Variants in PLA2G1B observed in about 807,000 individuals in gnomAD.
PLA2G1B encodes phospholipase A2 group IB.
In PLA2G1B, 12 loss-of-function variants were observed where a neutral mutation model predicts 12.5. The observed-to-expected ratio is 0.96, with a 90% CI of 0.62 to 1.56. The LOEUF (loss-of-function observed/expected upper bound fraction) is 1.56. PLA2G1B is among the 40% of genes most tolerant of loss of function. The pLI is 0.00. For missense variants in PLA2G1B, 189 were observed against 186.7 expected (o/e 1.01, Z -0.07); for synonymous variants, 81 against 73.4 (o/e 1.10, Z -0.53).
At chr12:120,324,455 C>G (rs1873296643) in intron 3 of PLA2G1B, among the ~76,000 whole-genome samples, 2 of 151,986 alleles carry the variant, frequency 1.3e-5, no homozygotes, top group Non-Finnish European at 2.9e-5. Flanking sequence ...TGCTTGAAGC[C>G]AGGAGTTTAA....
chr12:120,325,874 C>T lies in PLA2G1B; in HGVS notation c.181G>A (p.Asp61Asn), dbSNP rs1273242133. 1.2e-6 allele frequency: 2 copies of T among 1,614,014 alleles called. No individual in the cohort carries two copies. Among genetic ancestry groups the T allele is most frequent in the Admixed American group, 1.7e-5 (1 of 60,010 alleles). Residue 61 changes from aspartate to asparagine, a missense_variant, in exon 2 of 4, where the codon GAT (aspartate) becomes AAT (asparagine). Transcript: ENST00000308366. ...CGLGGSGTPV[D>N]ELDKCCQTHD... Reference sequence around the variant, plus strand: ...CGGATCACTTACTTGTCCAGTTCATCCACGGGGGTGCCTGAGCCCCCCAAG... The same window carrying T: ...CGGATCACTTACTTGTCCAGTTCATTCACGGGGGTGCCTGAGCCCCCCAAG...
In PLA2G1B at chr12:120,324,987, G is replaced by T. The variant is rs765150969; in HGVS notation, c.269C>A (p.Pro90Gln). 1 of 1,613,972 alleles carries T rather than the reference G, an allele frequency of 6.2e-7. No homozygotes were observed. Among genetic ancestry groups the T allele is most frequent in the Admixed American group, 1.7e-5 (1 of 59,992 alleles). The change falls in exon 3 of 4, where the codon CCG (proline) becomes CAG (glutamine). Residue 90 changes from proline (P) to glutamine (Q), a missense_variant. Pro to Gln is a moderately conservative substitution (Grantham distance 76). Coordinates refer to ENST00000308366, the MANE Select transcript of PLA2G1B (RefSeq NM_000928.3). ...CGAGTATGAATAGGTGTGGGTGTAC[G>T]GGTTGTCCAGCAGAAATTTACAGCT... Reference protein sequence around the residue: ...LDSCKFLLDNPYTHTYSYSCS... With the variant: ...LDSCKFLLDNQYTHTYSYSCS...
At chr12:120,322,907 T>A (rs868664675) in intron 3 of PLA2G1B, among the ~76,000 whole-genome samples, 8 of 152,132 alleles carry the variant, frequency 5.3e-5, no homozygotes, top group Admixed American at 3.3e-4. Context: ...CTTTAAAGCA[T>A]GTATTTTAAA....
Position 120,325,141 on chromosome 12 carries a change from A to G in PLA2G1B, c.195-80T>C, listed in dbSNP as rs532232499. On this transcript the variant is annotated intron_variant, in intron 2 of 3. Coordinates refer to ENST00000308366, the MANE Select transcript of PLA2G1B (RefSeq NM_000928.3). ...CCCTCACCTGCCCACTCTCAGGAAC[A>G]GGTGGGGATGACTTCGCCAAGATGC... The G allele has an allele frequency of 4.7e-5, 69 of 1,477,502 alleles. No individual in the cohort carries two copies. In the African/African-American group the frequency reaches 8.9e-4, roughly 19 times the overall value. 91.5% of individuals were successfully genotyped at this position (1,477,502 alleles called of 1,614,324 possible).
chr12:120,325,864 T>A lies in PLA2G1B; in HGVS notation c.191A>T (p.Asp64Val). The stretch of plus-strand genomic sequence containing the variant: ...TTCCTGCAGGCGGATCACTTACTTG[T>A]CCAGTTCATCCACGGGGGTGCCTGA... ...GGSGTPVDEL[D>V]KCCQTHDNCY... Residue 64 changes from aspartate to valine, a missense_variant, in exon 2 of 4, where the codon GAC (aspartate) becomes GTC (valine). Coordinates refer to ENST00000308366, the MANE Select transcript of PLA2G1B (RefSeq NM_000928.3). The A allele has an allele frequency of 6.2e-7, 1 of 1,613,936 alleles. No homozygotes were observed. The highest frequency in any genetic ancestry group is 8.5e-7 in the Non-Finnish European group (1 of 1,179,888).
intron 3 of PLA2G1B, among the ~76,000 whole-genome samples, chr12:120,324,021 A>G (rs1873289176): frequency 1.3e-5 from 2 of 152,136 alleles, no homozygotes; most frequent in Non-Finnish European, 2.9e-5. Flanking sequence ...AAGAAAATAG[A>G]CAGTAATCGG....
chr12:120,326,831 C>T (rs1446910879), intron 1 of PLA2G1B, among the ~76,000 whole-genome samples: 1 of 151,690 alleles, frequency 6.6e-6, no homozygotes, highest in African/African-American at 2.4e-5. Context: ...ATTAGCGGGG[C>T]GTGGTGGCAG....
Position 120,323,531 on chromosome 12 carries a change from A to G in PLA2G1B, c.323-1214T>C, listed in dbSNP as rs9657938. Among the ~76,000 whole-genome samples, 897 of 152,250 alleles carry G rather than the reference A, an allele frequency of 5.9e-3. 8 individuals are homozygous for G. The highest frequency in any genetic ancestry group is 0.02 in the African/African-American group (832 of 41,554). Reference sequence around the variant, plus strand: ...TCCACCCACCTTGGACTTCCAAAGTACTGTGGTTACAGGCTTGAGTCACTG... The same window carrying G: ...TCCACCCACCTTGGACTTCCAAAGTGCTGTGGTTACAGGCTTGAGTCACTG... On this transcript the variant is annotated intron_variant, in intron 3 of 3. Transcript: ENST00000308366.
chr12:120,325,876 A>G lies in PLA2G1B; in HGVS notation c.179T>C (p.Val60Ala), dbSNP rs747301429. 6 of 1,613,860 alleles carry G rather than the reference A, an allele frequency of 3.7e-6. No individual in the cohort carries two copies. The highest frequency in any genetic ancestry group is 3.3e-5 in the South Asian group (3 of 91,052). ...YCGLGGSGTP[V>A]DELDKCCQTH... Reference sequence around the variant, plus strand: ...GATCACTTACTTGTCCAGTTCATCCACGGGGGTGCCTGAGCCCCCCAAGCC... The same window carrying G: ...GATCACTTACTTGTCCAGTTCATCCGCGGGGGTGCCTGAGCCCCCCAAGCC... Residue 60 changes from valine to alanine, a missense_variant, in exon 2 of 4, where the codon GTG becomes GCG. Transcript: ENST00000308366.
Position 120,326,012 on chromosome 12 carries a change from C to T in PLA2G1B, c.43G>A (p.Ala15Thr), listed in dbSNP as rs746790393. 8.1e-6 allele frequency: 13 copies of T among 1,613,688 alleles called. No homozygotes were observed. The African/African-American group carries it at 1.2e-4, about 15-fold the overall frequency. The change falls in exon 2 of 4, where the codon GCC (alanine) becomes ACC (threonine). Residue 15 changes from alanine (A) to threonine (T), a missense_variant. By Grantham distance (58) the Ala-to-Thr change is moderately conservative. Coordinates refer to ENST00000308366, the MANE Select transcript of PLA2G1B (RefSeq NM_000928.3). ...VLAVLLTVAAADSGISPRAVW... is the reference protein window; with the variant it reads ...VLAVLLTVAATDSGISPRAVW... ...GCCCGAGGGCTGATGCCGCTGTCGG[C>T]GGCGGCCACTGCAAGAAGACATAGC...
chr12:120,324,468 C>A (rs1032693337), intron 3 of PLA2G1B, among the ~76,000 whole-genome samples: 1 of 151,962 alleles, frequency 6.6e-6, no homozygotes, highest in African/African-American at 2.4e-5. Context: ...GAGTTTAAGA[C>A]AAGCCTGGCC....
chr12:120,322,597 T>G (rs1873259148), intron 3 of PLA2G1B, among the ~76,000 whole-genome samples: 1 of 152,196 alleles, frequency 6.6e-6, no homozygotes, highest in Non-Finnish European at 1.5e-5. Flanking sequence ...TGTTTTGTTT[T>G]GTTTTTAAGA....
chr12:120,327,377 A>C (rs891036641), intron 1 of PLA2G1B, among the ~76,000 whole-genome samples: 2 of 152,204 alleles, frequency 1.3e-5, no homozygotes, highest in Non-Finnish European at 1.5e-5. Context: ...TAGTTGAGTA[A>C]GGTGGGAGGA....
At chr12:120,326,656 G>A (rs543137083) in intron 1 of PLA2G1B, among the ~76,000 whole-genome samples, 250 of 150,578 alleles carry the variant, frequency 1.7e-3, no homozygotes, top group Non-Finnish European at 2.8e-3. Flanking sequence ...CAACCTAGTG[G>A]GAGAGAAAAA....
At position 120,325,080 on chromosome 12, in the gene PLA2G1B, A is replaced by C; in HGVS notation, c.195-19T>G. 1 of 1,613,882 alleles carries C rather than the reference A, an allele frequency of 6.2e-7. No individual in the cohort carries two copies. The highest frequency in any genetic ancestry group is 8.5e-7 in the Non-Finnish European group (1 of 1,179,964). Reference sequence around the variant, plus strand: ...GCAGCACCTGGAAAGTGGGAGGGACAGCTGAGATAGGAGTAAGTGCAGAGC... The same window carrying C: ...GCAGCACCTGGAAAGTGGGAGGGACCGCTGAGATAGGAGTAAGTGCAGAGC... On this transcript the variant is annotated intron_variant, in intron 2 of 3. Coordinates refer to ENST00000308366, the MANE Select transcript of PLA2G1B (RefSeq NM_000928.3).
chr12:120,323,763 AT>A (rs1435833311), intron 3 of PLA2G1B, among the ~76,000 whole-genome samples: 19 of 152,154 alleles, frequency 1.2e-4, no homozygotes, highest in Non-Finnish European at 1.5e-5. Flanking sequence ...ATTAAGCCAT[AT>A]TATTCAGTGA....
chr12:120,323,836 TAAC>T (rs1380650018), intron 3 of PLA2G1B, among the ~76,000 whole-genome samples: 1 of 152,156 alleles, frequency 6.6e-6, no homozygotes, highest in African/African-American at 2.4e-5. Flanking sequence ...GAAAAAGTCA[TAAC>T]AAGGTGATAA....
chr12:120,322,244 T>C lies in PLA2G1B; in HGVS notation c.396A>G (p.Pro132=), dbSNP rs750816394. The change falls in exon 4 of 4, where the codon CCA becomes CCG. Residue 132 remains proline, a synonymous_variant. Transcript: ENST00000308366. ...RNAAICFSKA[P]YNKAHKNLDT... is the part of the protein sequence containing the mutation. Reference sequence around the variant, plus strand: ...CCAGGTTCTTGTGTGCCTTGTTATATGGAGCTTTTGAAAAGCAGATGGCAG... The same window carrying C: ...CCAGGTTCTTGTGTGCCTTGTTATACGGAGCTTTTGAAAAGCAGATGGCAG... The C allele has an allele frequency of 2.5e-6, 4 of 1,614,092 alleles. No homozygotes were observed. The highest frequency in any genetic ancestry group is 1.7e-4 in the Middle Eastern group (1 of 6,060).
chr12:120,325,833 C>T (rs779256484), intron 2 of PLA2G1B, 28 bp downstream of exon 2: 11 of 1,611,156 alleles, frequency 6.8e-6, no homozygotes, highest in Non-Finnish European at 3.4e-6. Context: ...GGCAGGCACT[C>T]CAATTTTCCT....
Sources: allele counts gnomAD v4.1 joint callset (sites outside exome capture counted in the v4.1 genomes callset), GRCh38; gene constraint gnomAD v4.1.1; transcripts MANE v1.5; gene names NCBI Gene and HGNC (gene_info 2026-07-23, HGNC 2026-07-21).